F2: variants seen among roughly 807,000 people sequenced by gnomAD.
F2 encodes the protein prothrombin.
A neutral mutation model predicts 81.9 loss-of-function variants in F2; 34 were observed. The ratio of observed to expected loss-of-function variants is 0.42; its 90% CI spans 0.32 to 0.55. F2 has a LOEUF of 0.55. F2 is among the 20% of genes least tolerant of loss of function. The probability of loss-of-function intolerance (pLI) is 0.18; values close to 1 mark genes in which losing one functional copy is unlikely to be tolerated. For missense variants in F2, 630 were observed against 833.4 expected, an observed-to-expected ratio of 0.76 and a Z score of 3.00; for synonymous variants, 296 against 326.4, an observed-to-expected ratio of 0.91 and a Z score of 1.01.
chr11:46,724,605 G>A (rs942111613), intron 6 of F2, among the ~76,000 whole-genome samples: 6 of 152,110 alleles, frequency 3.9e-5, no homozygotes, highest in African/African-American at 1.4e-4. Flanking sequence ...TCAAGGCCAG[G>A]GTCAAGAGGT....
rs779814226 is a variant in F2, at chr11:46,719,329, G to T, written c.79+15G>T. The T allele has an allele frequency of 8.7e-6, 14 of 1,609,968 alleles. No individual in the cohort carries two copies. The highest frequency in any genetic ancestry group is 1.7e-5 in the Admixed American group (1 of 59,622). ...CAGCCAGCATGGTAAGGGAGTGCTTGCAGGCTGGAACAGGCTGGAGGACTG... is the reference window on the plus strand; with the variant it reads ...CAGCCAGCATGGTAAGGGAGTGCTTTCAGGCTGGAACAGGCTGGAGGACTG... On this transcript the variant is annotated intron_variant, in intron 1 of 13. Coordinates refer to ENST00000311907, the MANE Select transcript of F2 (RefSeq NM_000506.5). This position sits in a 1 kb window ranked among gnomAD's most constrained non-coding sequence, Gnocchi z 4.7.
In F2 at chr11:46,729,488, C is replaced by T. The variant is rs1389532861; in HGVS notation, c.1581C>T (p.Asn527=). The change falls in exon 12 of 14, where the codon AAC becomes AAT. Residue 527 remains asparagine (N), a synonymous_variant. Transcript: ENST00000311907. The part of the protein sequence containing the change: ...KGQPSVLQVV[N]LPIVERPVCK... ...AGCCCAGTGTCCTGCAGGTGGTGAA[C>T]CTGCCCATTGTGGAGCGGCCGGTCT... 2.1e-5 allele frequency: 34 copies of T among 1,614,024 alleles called. No homozygotes were observed. In the Admixed American group the frequency reaches 5.7e-4, roughly 27 times the overall value.
At chr11:46,738,858 G>A (rs1482575818) in intron 12 of F2, among the ~76,000 whole-genome samples, 190 bp from the exon 13 acceptor site, 1 of 152,238 alleles carries the variant, frequency 6.6e-6, no homozygotes, top group Admixed American at 6.5e-5. Context: ...GGTGAGAAGG[G>A]TTTGGATTTG....
At chr11:46,729,138 G>A (rs958928738) in intron 11 of F2, among the ~76,000 whole-genome samples, 1 of 152,098 alleles carries the variant, frequency 6.6e-6, no homozygotes, top group African/African-American at 2.4e-5. Flanking sequence ...TGGGATTACA[G>A]GCTAATTTTT....
chr11:46,728,847 C>A lies in F2; in HGVS notation c.1472+10C>A. 6.2e-7 allele frequency: 1 copy of A among 1,612,964 alleles called. No homozygotes were observed. The highest frequency in any genetic ancestry group is 8.5e-7 in the Non-Finnish European group (1 of 1,179,590). On this transcript the variant is annotated intron_variant, in intron 11 of 13. Coordinates refer to ENST00000311907, the MANE Select transcript of F2 (RefSeq NM_000506.5). This position sits in a 1 kb window ranked among gnomAD's most constrained non-coding sequence, Gnocchi z 5.1. ...GGGAGACGGCAGCCAGGTGGGCCAC[C>A]AGATGCTTGTTAGCTGAGGGGCAGA...
rs552341778 is a variant in F2, at chr11:46,726,744, C to T, written c.1037C>T (p.Ser346Leu). The T allele has an allele frequency of 4.6e-5, 75 of 1,614,094 alleles. No homozygotes were observed. Among genetic ancestry groups the T allele is most frequent in the Non-Finnish European group, 5.8e-5 (69 of 1,180,046 alleles). The change falls in exon 9 of 14, where the codon TCG (serine) becomes TTG (leucine). Residue 346 changes from serine to leucine, a missense_variant. Physicochemically the swap from Ser to Leu is moderately radical, Grantham distance 145. Transcript: ENST00000311907. This position sits in a 1 kb window ranked among gnomAD's most constrained non-coding sequence, Gnocchi z 5.9. ...CGLRPLFEKK[S>L]LEDKTERELL... ...CTGCGACCTCTGTTCGAGAAGAAGT[C>T]GCTGGAGGACAAAACCGAAAGAGAG...
intron 11 of F2, among the ~76,000 whole-genome samples, chr11:46,729,081 C>T (rs1742649343): frequency 6.6e-6 from 1 of 152,118 alleles, no homozygotes; most frequent in South Asian, 2.1e-4. Context: ...ACTGCAACCC[C>T]ACCTCCTGGG....
chr11:46,722,039 T>A (rs536767008), intron 4 of F2, among the ~76,000 whole-genome samples: 1 of 151,596 alleles, frequency 6.6e-6, no homozygotes, highest in African/African-American at 2.4e-5. Flanking sequence ...GAGACGGGGT[T>A]TCACCATGTT....
chr11:46,725,305 G>A (rs2064864887), intron 6 of F2, among the ~76,000 whole-genome samples: 1 of 152,046 alleles, frequency 6.6e-6, no homozygotes, highest in Non-Finnish European at 1.5e-5. Flanking sequence ...CTGACCTCCG[G>A]TGATCTGCCC....
At chr11:46,721,009 G>C (rs2064832718) in intron 4 of F2, among the ~76,000 whole-genome samples, 169 bp downstream of exon 4, 1 of 152,132 alleles carries the variant, frequency 6.6e-6, no homozygotes, top group Non-Finnish European at 1.5e-5. Flanking sequence ...TCTGTGTCTG[G>C]CATGCGAACG....
intron 12 of F2, among the ~76,000 whole-genome samples, chr11:46,730,018 G>GGA (rs2134537758): frequency 6.6e-6 from 1 of 152,228 alleles, no homozygotes; most frequent in Admixed American, 6.5e-5. Flanking sequence ...TGAAGCACAG[G>GGA]GAGAGAGAAC....
rs1314494774 is a variant in F2, at chr11:46,739,295, G to A, written c.1756G>A (p.Gly586Ser). 1.2e-6 allele frequency: 2 copies of A among 1,614,046 alleles called. No homozygotes were observed. Residue 586 changes from glycine to serine, a missense_variant, in exon 14 of 14, where the codon GGC becomes AGC. By Grantham distance (56) the Gly-to-Ser change is moderately conservative. Transcript: ENST00000311907. ...SPFNNRWYQM[G>S]IVSWGEGCDR... ...CTTTAACAACCGCTGGTATCAAATG[G>A]GCATCGTCTCATGGGGTGAAGGCTG...
chr11:46,733,383 T>C (rs2064925514), intron 12 of F2, among the ~76,000 whole-genome samples: 1 of 152,118 alleles, frequency 6.6e-6, no homozygotes, highest in African/African-American at 2.4e-5. Flanking sequence ...TTTGTATTTT[T>C]TGTAGAGACT....
chr11:46,730,972 A>G (rs1011254678), intron 12 of F2, among the ~76,000 whole-genome samples: 1 of 151,968 alleles, frequency 6.6e-6, no homozygotes, highest in Non-Finnish European at 1.5e-5. Context: ...GCTTGAGTGC[A>G]GTGGCACAAT....
chr11:46,728,512 C>A lies in F2; in HGVS notation c.1299-152C>A. 1 of 868,872 alleles carries A rather than the reference C, an allele frequency of 1.2e-6. No homozygotes were observed. Among genetic ancestry groups the A allele is most frequent in the Non-Finnish European group, 1.8e-6 (1 of 549,980 alleles). 53.8% of individuals were successfully genotyped at this position (868,872 alleles called of 1,614,324 possible). Reference sequence around the variant, plus strand: ...GCACGGCTTTAGGCCCAGGAAGAAACACCCAGGGGGCTGCCATGGCAGGAA... The same window carrying A: ...GCACGGCTTTAGGCCCAGGAAGAAAAACCCAGGGGGCTGCCATGGCAGGAA... On this transcript the variant is annotated intron_variant, in intron 10 of 13. Transcript: ENST00000311907. This position sits in a 1 kb window ranked among gnomAD's most constrained non-coding sequence, Gnocchi z 5.1.
chr11:46,727,970 CT>C, intron 9 of F2, 25 bp from the exon 10 acceptor site: 1 of 1,597,566 alleles, frequency 6.3e-7, no homozygotes, highest in Admixed American at 1.7e-5. Context: ...TCCTCAGCTC[CT>C]AATGCTTCCT....
In F2 at chr11:46,726,115, G is replaced by T; in HGVS notation, c.816G>T (p.Val272=). 1 of 1,614,206 alleles carries T rather than the reference G, an allele frequency of 6.2e-7. No individual in the cohort carries two copies. The highest frequency in any genetic ancestry group is 2.2e-5 in the East Asian group (1 of 44,888). The change falls in exon 7 of 14, where the codon GTG becomes GTT. Residue 272 remains valine, a synonymous_variant. Coordinates refer to ENST00000311907, the MANE Select transcript of F2 (RefSeq NM_000506.5). This position sits in a 1 kb window ranked among gnomAD's most constrained non-coding sequence, Gnocchi z 5.9. ...CRNPDGDEEG[V]WCYVAGKPGD... Reference sequence around the variant, plus strand: ...ACCCAGACGGGGATGAGGAGGGCGTGTGGTGCTATGTGGCCGGGAAGCCTG... The same window carrying T: ...ACCCAGACGGGGATGAGGAGGGCGTTTGGTGCTATGTGGCCGGGAAGCCTG...
At chr11:46,727,148 A>T (rs1169466095) in intron 9 of F2, among the ~76,000 whole-genome samples, 2 of 152,144 alleles carry the variant, frequency 1.3e-5, no homozygotes, top group Non-Finnish European at 2.9e-5. Flanking sequence ...CAGCCTCCTG[A>T]GTAGCTGAAT....
Position 46,728,979 on chromosome 11 carries a change from T to G in F2, c.1472+142T>G. 1.4e-6 allele frequency: 1 copy of G among 711,480 alleles called. No homozygotes were observed. Among genetic ancestry groups the G allele is most frequent in the East Asian group, 2.7e-5 (1 of 36,792 alleles). The allele number at this position is 711,480 out of a possible 1,614,324, so 44.1% of individuals were successfully genotyped here. ...TGAACCCAAAAGTTCTTTTCAGTACTGGCGTTTTATTTTTTATTTATATTT... is the reference window on the plus strand; with the variant it reads ...TGAACCCAAAAGTTCTTTTCAGTACGGGCGTTTTATTTTTTATTTATATTT... On this transcript the variant is annotated intron_variant, in intron 11 of 13. Transcript: ENST00000311907. The surrounding 1 kb of genome is among the most constrained non-coding windows in gnomAD (Gnocchi z 5.1).
Sources: allele counts gnomAD v4.1 joint callset (sites outside exome capture counted in the v4.1 genomes callset), GRCh38; gene constraint gnomAD v4.1.1; non-coding constraint Gnocchi (gnomAD v3.1); transcripts MANE v1.5; gene names NCBI Gene and HGNC (gene_info 2026-07-23, HGNC 2026-07-21).